The following SCUBE1 variants were observed in gnomAD, a reference collection of about 807,000 sequenced individuals.
The protein encoded by SCUBE1 is signal peptide, CUB and EGF-like domain-containing protein 1.
In SCUBE1, 59 loss-of-function variants were observed where a neutral mutation model predicts 124.4. The ratio of observed to expected loss-of-function variants is 0.47; its 90% CI spans 0.38 to 0.59. The LOEUF (loss-of-function observed/expected upper bound fraction) is 0.59, where lower values mean the gene tolerates loss of function less well. Ranked by LOEUF, SCUBE1 falls within the 20% of genes least tolerant of loss-of-function variation. SCUBE1 has a pLI of 0.00. For missense variants in SCUBE1, 1,150 were observed against 1,371.2 expected (o/e 0.84, Z 2.55); for synonymous variants, 545 against 550.9 (o/e 0.99, Z 0.15).
At chr22:43,325,275 A>T (rs949708257) in intron 2 of SCUBE1, among the ~76,000 whole-genome samples, 1 of 151,796 alleles carries the variant, frequency 6.6e-6, no homozygotes, top group African/African-American at 2.4e-5. Context: ...TGAATATTTT[A>T]AAAAAGTACT....
chr22:43,261,260 T>G (rs1481459782), intron 5 of SCUBE1, among the ~76,000 whole-genome samples: 1 of 152,196 alleles, frequency 6.6e-6, no homozygotes, highest in Non-Finnish European at 1.5e-5. Flanking sequence ...GGGGCCTGGA[T>G]GGAGCCCTGG....
intron 7 of SCUBE1, chr22:43,237,572 G>A (rs1259435081): frequency 6.6e-6 from 1 of 152,244 alleles, no homozygotes; most frequent in Non-Finnish European, 1.5e-5. Context: ...TTAACAGGCT[G>A]AGCGGTGGCC....
chr22:43,310,524 A>C (rs896857194), intron 3 of SCUBE1, among the ~76,000 whole-genome samples: 1 of 152,190 alleles, frequency 6.6e-6, no homozygotes, highest in African/African-American at 2.4e-5. Flanking sequence ...ATGCTTCCAG[A>C]TGATTCCAGT....
Position 43,214,125 on chromosome 22 carries a change from C to A in SCUBE1, c.2018G>T (p.Gly673Val). 6.3e-7 allele frequency: 1 copy of A among 1,589,148 alleles called. No homozygotes were observed. Among genetic ancestry groups the A allele is most frequent in the South Asian group, 1.1e-5 (1 of 90,690 alleles). The change falls in exon 16 of 22, where the codon GGT (glycine) becomes GTT (valine). Residue 673 changes from glycine (G) to valine (V), a missense_variant. Transcript: ENST00000360835. ...CTPCPSSDGL[G>V]LPGARNVSEC... ...CGACACGTTGCGGGCACCAGGCAGA[C>A]CAAGCCCGTCGCTGCTGGGGCACGG...
intron 3 of SCUBE1, among the ~76,000 whole-genome samples, chr22:43,311,917 C>T (rs1388214043): frequency 6.6e-6 from 1 of 152,152 alleles, no homozygotes; most frequent in African/African-American, 2.4e-5. Flanking sequence ...TATCAGACGA[C>T]ACTTAGGCCT....
At chr22:43,278,720 C>T (rs1924636002) in intron 4 of SCUBE1, among the ~76,000 whole-genome samples, 1 of 152,194 alleles carries the variant, frequency 6.6e-6, no homozygotes, top group Admixed American at 6.5e-5. Context: ...CAGAATCCAG[C>T]CCCTGATCCT....
chr22:43,297,749 C>G (rs991234954), intron 3 of SCUBE1, among the ~76,000 whole-genome samples: 1 of 152,202 alleles, frequency 6.6e-6, no homozygotes, highest in Non-Finnish European at 1.5e-5. Flanking sequence ...GACCAAGAGT[C>G]CAGGTTCACA....
chr22:43,297,630 G>A (rs976506025), intron 3 of SCUBE1, among the ~76,000 whole-genome samples: 2 of 152,244 alleles, frequency 1.3e-5, no homozygotes, highest in Non-Finnish European at 2.9e-5. Context: ...AGGTTGACCC[G>A]CTTCCGAAAG....
intron 2 of SCUBE1, among the ~76,000 whole-genome samples, chr22:43,334,747 T>C (rs1927010012): frequency 6.6e-6 from 1 of 152,210 alleles, no homozygotes. Flanking sequence ...ATCATCACAG[T>C]AAGGGCAGCT....
chr22:43,329,386 G>A lies in SCUBE1; in HGVS notation c.221-9321C>T, dbSNP rs964842735. 2.0e-5 allele frequency among the ~76,000 whole-genome samples: 3 copies of A among 152,248 alleles called. No homozygotes were observed. In the South Asian group the frequency reaches 6.2e-4, roughly 32 times the overall value. On this transcript the variant is annotated intron_variant, in intron 2 of 21. Transcript: ENST00000360835. ...TGAGGAAGGAGCTGCCCACAGCGAGGGTCCCAGGGGCCTGAGATCTCCTGC... is the reference window on the plus strand; with the variant it reads ...TGAGGAAGGAGCTGCCCACAGCGAGAGTCCCAGGGGCCTGAGATCTCCTGC...
chr22:43,314,921 T>C (rs1428480624), intron 3 of SCUBE1, among the ~76,000 whole-genome samples: 2 of 152,176 alleles, frequency 1.3e-5, no homozygotes, highest in African/African-American at 2.4e-5. Context: ...ATTTTAGCCA[T>C]GTGGGATAGG....
At chr22:43,208,368 C>T (rs1341291596) in intron 19 of SCUBE1, 144 bp from the exon 20 acceptor site, 1 of 722,498 alleles carries the variant, frequency 1.4e-6, no homozygotes, top group East Asian at 2.7e-5. Context: ...TTTGTGCTTG[C>T]TCCCTCTGCC....
intron 2 of SCUBE1, among the ~76,000 whole-genome samples, chr22:43,335,118 G>T (rs1927021836): frequency 6.6e-6 from 1 of 152,158 alleles, no homozygotes; most frequent in South Asian, 2.1e-4. Flanking sequence ...GCCCCCTCAG[G>T]CCTCCATTTT....
intron 1 of SCUBE1, among the ~76,000 whole-genome samples, chr22:43,342,565 C>A (rs1927358385): frequency 6.6e-6 from 1 of 151,816 alleles, no homozygotes; most frequent in African/African-American, 2.4e-5. Flanking sequence ...CTCTCTCTCT[C>A]CCTTATCATC....
intron 4 of SCUBE1, among the ~76,000 whole-genome samples, chr22:43,263,064 T>C (rs766154595): frequency 6.6e-6 from 1 of 152,232 alleles, no homozygotes; most frequent in Non-Finnish European, 1.5e-5. Context: ...GCACGGTGCC[T>C]GGGTCTAGAT....
rs1386939343 is a variant in SCUBE1 at position 43,255,441 on chromosome 22, C to T, written c.727+2778G>A. 1 of 1,485,030 alleles carries T rather than the reference C, an allele frequency of 6.7e-7. No homozygotes were observed. The allele number at this position is 1,485,030 out of a possible 1,614,324, so 92.0% of individuals were successfully genotyped here. A position where few individuals can be genotyped will look rare whatever the true frequency, so the allele number is the denominator to read the frequency against. ...CACCCGAGACACACATGTGCACACA[C>T]ACACACAAGTGCAAGTACGACAAAG... On this transcript the variant is annotated intron_variant, in intron 6 of 21. Coordinates refer to ENST00000360835, the MANE Select transcript of SCUBE1 (RefSeq NM_173050.5). This position sits in a 1 kb window ranked among gnomAD's most constrained non-coding sequence, Gnocchi z 4.7.
At chr22:43,335,772 A>ATGATGG (rs1208022836) in intron 2 of SCUBE1, among the ~76,000 whole-genome samples, 1 of 151,296 alleles carries the variant, frequency 6.6e-6, no homozygotes, top group East Asian at 1.9e-4. Context: ...GATGGTGATG[A>ATGATGG]TGATGGTGAT....
chr22:43,317,071 T>C (rs1173996953), intron 3 of SCUBE1: 3 of 152,084 alleles, frequency 2.0e-5, no homozygotes, highest in Non-Finnish European at 4.4e-5. Context: ...AAAAACCAAA[T>C]GGTCGTTTGA....
chr22:43,307,074 T>C (rs1925997422), intron 3 of SCUBE1, among the ~76,000 whole-genome samples: 1 of 152,230 alleles, frequency 6.6e-6, no homozygotes, highest in Admixed American at 6.5e-5. Context: ...ACGAGCCTGC[T>C]GTGGGCCTGG....
Sources: allele counts gnomAD v4.1 joint callset (sites outside exome capture counted in the v4.1 genomes callset), GRCh38; gene constraint gnomAD v4.1.1; non-coding constraint Gnocchi (gnomAD v3.1); transcripts MANE v1.5; gene names NCBI Gene and HGNC (gene_info 2026-07-23, HGNC 2026-07-21).